XCR1: variants seen among roughly 807,000 people sequenced by gnomAD.
XCR1 encodes the protein X-C motif chemokine receptor 1.
For missense variants in XCR1, 356 were observed against 424.2 expected (o/e 0.84, Z 1.41); for synonymous variants, 187 against 188.5 (o/e 0.99, Z 0.06).
rs767670584 is a variant in XCR1, at chr3:46,021,258, G to T, written c.690C>A (p.Ile230=). 8 of 1,614,098 alleles carry T rather than the reference G, an allele frequency of 5.0e-6. No homozygotes were observed. In the African/African-American group the frequency reaches 1.1e-4, roughly 22 times the overall value. ...RHRTVKLIFA[I]VVAYFLSWGP... Reference sequence around the variant, plus strand: ...CCCAGCTGAGGAAGTAGGCCACCACGATGGCGAAGATGAGCTTGACCGTGC... The same window carrying T: ...CCCAGCTGAGGAAGTAGGCCACCACTATGGCGAAGATGAGCTTGACCGTGC... Residue 230 remains isoleucine, a synonymous_variant, in exon 2 of 2, where the codon ATC becomes ATA. Transcript: ENST00000309285. The surrounding 1 kb of genome is among the most constrained non-coding windows in gnomAD (Gnocchi z 4.7).
intron 2 of XCR1, among the ~76,000 whole-genome samples, chr3:46,075,308 CA>C (rs56787185): frequency 0.38 from 23,858 of 62,396 alleles, 1,460 homozygotes; most frequent in South Asian, 0.5. Context: ...GCTCATAGAC[CA>C]AAAAAAAAAA....
intron 5 of XCR1, among the ~76,000 whole-genome samples, chr3:46,046,393 A>G (rs1697628109): frequency 6.6e-6 from 1 of 152,180 alleles, no homozygotes; most frequent in African/African-American, 2.4e-5. Context: ...CATTCTCTAG[A>G]TGTCCCAGTA....
intron 5 of XCR1, among the ~76,000 whole-genome samples, chr3:46,034,757 A>G (rs1278752892): frequency 1.3e-5 from 2 of 152,080 alleles, no homozygotes; most frequent in African/African-American, 4.8e-5. Flanking sequence ...TCCCATAGAG[A>G]GCTTTTTTGA....
At chr3:46,051,012 A>G (rs146940028) in intron 5 of XCR1, among the ~76,000 whole-genome samples, 1,942 of 152,284 alleles carry the variant, frequency 0.013, 49 homozygotes, top group African/African-American at 0.043. Flanking sequence ...GATGAAGTTG[A>G]TCTAGCTTCT....
chr3:46,079,626 T>C (rs771989791), intron 1 of XCR1, among the ~76,000 whole-genome samples: 1 of 151,896 alleles, frequency 6.6e-6, no homozygotes, highest in Non-Finnish European at 1.5e-5. Flanking sequence ...TTGAACCCCC[T>C]CCCTGAAACC....
intron 5 of XCR1, among the ~76,000 whole-genome samples, chr3:46,048,470 T>C (rs1164613135): frequency 7.2e-5 from 11 of 152,156 alleles, no homozygotes; most frequent in Non-Finnish European, 1.6e-4. Flanking sequence ...ATTGTGATTC[T>C]GGTCGGCCTT....
At chr3:46,055,644 G>A (rs1306217154) in intron 4 of XCR1, among the ~76,000 whole-genome samples, 3 of 152,100 alleles carry the variant, frequency 2.0e-5, no homozygotes, top group African/African-American at 7.2e-5. Context: ...GCTGCAACCC[G>A]GTGTCTTGGT....
chr3:46,041,753 A>C (rs1697540587), intron 5 of XCR1, among the ~76,000 whole-genome samples: 1 of 152,240 alleles, frequency 6.6e-6, no homozygotes, highest in Non-Finnish European at 1.5e-5. Context: ...CTGGTCTCCC[A>C]AAAAGTATCA....
chr3:46,070,922 C>T (rs1049084870), intron 3 of XCR1, among the ~76,000 whole-genome samples: 1 of 151,888 alleles, frequency 6.6e-6, no homozygotes, highest in African/African-American at 2.4e-5. Flanking sequence ...CCTCTTCCTC[C>T]TTTGTGTAAT....
chr3:46,045,060 C>T (rs1697599981), intron 5 of XCR1, among the ~76,000 whole-genome samples: 1 of 152,078 alleles, frequency 6.6e-6, no homozygotes, highest in Non-Finnish European at 1.5e-5. Flanking sequence ...AAATACAAAC[C>T]AGTATCTCTC....
At chr3:46,060,402 A>G (rs1697938254) in intron 4 of XCR1, among the ~76,000 whole-genome samples, 1 of 152,216 alleles carries the variant, frequency 6.6e-6, no homozygotes, top group African/African-American at 2.4e-5. Flanking sequence ...TTGTATTACA[A>G]ATATACTTTG....
intron 5 of XCR1, among the ~76,000 whole-genome samples, chr3:46,038,641 A>G (rs999373499): frequency 1.2e-4 from 19 of 152,164 alleles, no homozygotes; most frequent in African/African-American, 4.6e-4. Flanking sequence ...CAGCCATTTA[A>G]CATTTGATTG....
At chr3:46,047,439 A>T (rs1697655876) in intron 5 of XCR1, among the ~76,000 whole-genome samples, 1 of 152,240 alleles carries the variant, frequency 6.6e-6, no homozygotes, top group South Asian at 2.1e-4. Flanking sequence ...TTTACAGGTC[A>T]ATTTGGTATT....
intron 5 of XCR1, among the ~76,000 whole-genome samples, chr3:46,035,202 C>A (rs563260502): frequency 6.6e-6 from 1 of 152,250 alleles, no homozygotes; most frequent in Non-Finnish European, 1.5e-5. Flanking sequence ...ATCTGCCCAC[C>A]TAGGCCTCCC....
chr3:46,061,125 A>C (rs1697953898), intron 4 of XCR1, among the ~76,000 whole-genome samples: 1 of 151,824 alleles, frequency 6.6e-6, no homozygotes, highest in East Asian at 1.9e-4. Context: ...TGGTGGGGGG[A>C]ATGGGAGGAA....
At chr3:46,038,517 TG>T (rs1382512232) in intron 5 of XCR1, among the ~76,000 whole-genome samples, 5 of 152,236 alleles carry the variant, frequency 3.3e-5, no homozygotes. Context: ...GGCTTTTATT[TG>T]GTTCTTTGAA....
intron 5 of XCR1, among the ~76,000 whole-genome samples, chr3:46,043,725 C>T (rs1030663729): frequency 2.2e-5 from 2 of 89,232 alleles, no homozygotes; most frequent in Non-Finnish European, 2.1e-5. Flanking sequence ...TCTACACACA[C>T]ACACACACAC....
intron 5 of XCR1, among the ~76,000 whole-genome samples, chr3:46,048,422 C>T (rs1001555320): frequency 2.0e-5 from 3 of 152,176 alleles, no homozygotes. Flanking sequence ...TCCTGTGTGG[C>T]TTTCTTGAGT....
At chr3:46,023,896 A>C in intron 1 of XCR1, 1 of 1,508,078 alleles carries the variant, frequency 6.6e-7, no homozygotes, top group South Asian at 1.1e-5. Flanking sequence ...CTAAAGGCTG[A>C]AAAGGCCAGA....
Sources: gnomAD v4.1 joint callset for allele counts (sites outside exome capture counted in the v4.1 genomes callset) on GRCh38, gnomAD v4.1.1 for gene constraint, Gnocchi (gnomAD v3.1) non-coding constraint, MANE v1.5 for transcripts, NCBI Gene and HGNC (gene_info 2026-07-23, HGNC 2026-07-21) for gene names.